The following NFKBIA variants were observed in gnomAD, a reference collection of about 807,000 sequenced individuals.
NFKBIA encodes the protein NFKB inhibitor alpha, also known as NF-kappa-B inhibitor alpha.
NFKBIA carries 10 observed loss-of-function variants against 36.3 expected under a neutral mutation model. That is an observed-to-expected ratio of 0.28 (90% CI 0.17 to 0.47). The LOEUF is 0.47. Among genes scored for constraint, NFKBIA ranks in the 20% least tolerant of loss-of-function variants. The probability of loss-of-function intolerance (pLI) is 0.99; values close to 1 mark genes in which losing one functional copy is unlikely to be tolerated. For synonymous variants in NFKBIA, 205 were observed against 164.4 expected (o/e 1.25, Z -1.89); for missense variants, 355 against 399.3 (o/e 0.89, Z 0.94).
In NFKBIA at chr14:35,402,971, C is replaced by T. The variant is rs563550773; in HGVS notation, c.548-112G>A. 17 of 1,281,124 alleles carry T rather than the reference C, an allele frequency of 1.3e-5. No individual in the cohort carries two copies. In the East Asian group the frequency reaches 4.2e-4, roughly 32 times the overall value. The allele number at this position is 1,281,124 out of a possible 1,614,324, so 79.4% of individuals were successfully genotyped here. Reference sequence around the variant, plus strand: ...CTTCTGAATTTTAAGAACCCACAGTCTGGGTTCTGAAAGAACTTTATAAAG... The same window carrying T: ...CTTCTGAATTTTAAGAACCCACAGTTTGGGTTCTGAAAGAACTTTATAAAG... On this transcript the variant is annotated intron_variant, in intron 3 of 5. Transcript: ENST00000216797.
chr14:35,404,351 T>TAC, intron 1 of NFKBIA, 67 bp downstream of exon 1: 50 of 1,049,790 alleles, frequency 4.8e-5, no homozygotes, highest in East Asian at 1.2e-4. Flanking sequence ...GCCCGGCGCC[T>TAC]CCCACCCCCA....
At position 35,404,453 on chromosome 14, in the gene NFKBIA, C is replaced by T. The variant is rs552899761; in HGVS notation, c.192G>A (p.Glu64=). The T allele has an allele frequency of 5.1e-6, 8 of 1,575,020 alleles. No individual in the cohort carries two copies. The highest frequency in any genetic ancestry group is 6.9e-6 in the Non-Finnish European group (8 of 1,158,790). ...CCTCGGTGAGCTGCTGCTTCCAGGG[C>T]TCCGAGCCGCGCGGCACCTCCTGCG... ...LEPQEVPRGS[E]PWKQQLTEDG... is the part of the protein sequence containing the mutation. Residue 64 remains glutamate, a synonymous_variant, in exon 1 of 6, where the codon GAG becomes GAA. Transcript: ENST00000216797.
intron 5 of NFKBIA, 103 bp from the exon 6 acceptor site, chr14:35,402,163 T>TCTCC: frequency 7.2e-7 from 1 of 1,384,388 alleles, no homozygotes; most frequent in Non-Finnish European, 1.0e-6. Context: ...TGGACTCCAT[T>TCTCC]CTCCATAGCC....
At position 35,402,795 on chromosome 14, in the gene NFKBIA, G is replaced by T; in HGVS notation, c.612C>A (p.Ser204=). Residue 204 remains serine, a synonymous_variant, in exon 4 of 6, where the codon TCC becomes TCA. Transcript: ENST00000216797. ...CCTGAGCATTGACATCAGCACCCAA[G>T]GACACCAAAAGCTCCACGATGCCCA... ...GYLGIVELLV[S]LGADVNAQEP... The T allele has an allele frequency of 6.2e-7, 1 of 1,614,194 alleles. No homozygotes were observed. Among genetic ancestry groups the T allele is most frequent in the African/African-American group, 1.3e-5 (1 of 75,050 alleles).
Position 35,404,709 on chromosome 14 carries a change from G to A in NFKBIA, c.-65C>T, listed in dbSNP as rs543302234. On this transcript the variant is annotated 5_prime_UTR_variant, in exon 1 of 6. Transcript: ENST00000216797. The stretch of plus-strand genomic sequence containing the variant: ...GCCGCGGGCTGCGCGCTGCTTCCTC[G>A]CTGGGGCGCTGGCGGGCGGGACGGC... The A allele has an allele frequency of 6.0e-6, 7 of 1,168,422 alleles. No homozygotes were observed. In the African/African-American group the frequency reaches 8.1e-5, roughly 14 times the overall value. The allele number at this position is 1,168,422 out of a possible 1,614,324, so 72.4% of individuals were successfully genotyped here.
chr14:35,403,685 C>T lies in NFKBIA; in HGVS notation c.336+5G>A, dbSNP rs1206257180. ...GAGAGAACCCGGGCCAGGCAAGCGG[C>T]GCACCTGCTGCAGGTTGTTCTGGAA... On this transcript the variant is annotated splice_donor_5th_base_variant and intron_variant, in intron 2 of 5. Transcript: ENST00000216797. 1 of 1,606,132 alleles carries T rather than the reference C, an allele frequency of 6.2e-7. No individual in the cohort carries two copies. The highest frequency in any genetic ancestry group is 1.3e-5 in the African/African-American group (1 of 74,938).
chr14:35,402,900 A>AC (rs1226918076), intron 3 of NFKBIA, 41 bp from the exon 4 acceptor site: 1 of 1,560,596 alleles, frequency 6.4e-7, no homozygotes, highest in South Asian at 1.1e-5. Flanking sequence ...ACCTGTTTCA[A>AC]CCCTCACTCC....
chr14:35,402,164 C>T, intron 5 of NFKBIA, 104 bp from the exon 6 acceptor site: 1 of 1,374,648 alleles, frequency 7.3e-7, no homozygotes, highest in Non-Finnish European at 1.0e-6. Flanking sequence ...GGACTCCATT[C>T]TCCATAGCCC....
chr14:35,402,794 A>G lies in NFKBIA; in HGVS notation c.613T>C (p.Leu205=), dbSNP rs779353997. The G allele has an allele frequency of 1.2e-6, 2 of 1,614,232 alleles. No individual in the cohort carries two copies. Among genetic ancestry groups the G allele is most frequent in the South Asian group, 2.2e-5 (2 of 91,088 alleles). The part of the protein sequence containing the change: ...YLGIVELLVS[L]GADVNAQEPC... ...ACCTGAGCATTGACATCAGCACCCA[A>G]GGACACCAAAAGCTCCACGATGCCC... is the stretch of plus-strand genomic sequence containing the variant. The change falls in exon 4 of 6, where the codon TTG becomes CTG. Residue 205 remains leucine (L), a synonymous_variant. Transcript: ENST00000216797.
chr14:35,404,236 C>T lies in NFKBIA; in HGVS notation c.227+182G>A, dbSNP rs929600476. On this transcript the variant is annotated intron_variant, in intron 1 of 5. Coordinates refer to ENST00000216797, the MANE Select transcript of NFKBIA (RefSeq NM_020529.3). Reference sequence around the variant, plus strand: ...GCCGCCCCTCCGAGTTGGGCCGGTGCCCCGCGCGGCCCTGCAGCCCTGCAG... The same window carrying T: ...GCCGCCCCTCCGAGTTGGGCCGGTGTCCCGCGCGGCCCTGCAGCCCTGCAG... The T allele has an allele frequency of 9.4e-5, 33 of 350,414 alleles. No homozygotes were observed. The East Asian group carries it at 2.0e-3, about 21-fold the overall frequency. The allele number at this position is 350,414 out of a possible 1,614,324, so 21.7% of individuals were successfully genotyped here.
At chr14:35,404,177 G>A (rs992382334) in intron 1 of NFKBIA, 2 of 325,692 alleles carry the variant, frequency 6.1e-6, no homozygotes, top group Non-Finnish European at 1.1e-5. Flanking sequence ...GGGAGGGGGC[G>A]TGTGGCGACG....
At position 35,401,878 on chromosome 14, in the gene NFKBIA, G is replaced by A. The variant is rs545040308; in HGVS notation, c.*135C>T. 96 of 966,424 alleles carry A rather than the reference G, an allele frequency of 9.9e-5. 1 individual carries two copies. Among genetic ancestry groups the A allele is most frequent in the African/African-American group, 9.6e-4 (57 of 59,668 alleles). 59.9% of individuals were successfully genotyped at this position (966,424 alleles called of 1,614,324 possible). ...AGGGCTGATCCTACCACAATAAGACGTTTTGGGCCAGGCAGTGTGCAGTGT... is the reference window on the plus strand; with the variant it reads ...AGGGCTGATCCTACCACAATAAGACATTTTGGGCCAGGCAGTGTGCAGTGT... On this transcript the variant is annotated 3_prime_UTR_variant, in exon 6 of 6. Transcript: ENST00000216797.
rs1034378721 is a variant in NFKBIA at position 35,402,176 on chromosome 14, A to T, written c.907-116T>A. 1.1e-5 allele frequency: 15 copies of T among 1,310,682 alleles called. No homozygotes were observed. In the African/African-American group the frequency reaches 1.2e-4, roughly 10 times the overall value. The allele number at this position is 1,310,682 out of a possible 1,614,324, so 81.2% of individuals were successfully genotyped here. On this transcript the variant is annotated intron_variant, in intron 5 of 5. Transcript: ENST00000216797. ...CTTGGACTCCATTCTCCATAGCCCA[A>T]ATATAATGAACTTTACAGGCTGAGA...
In NFKBIA at chr14:35,402,020, G is replaced by A. The variant is rs775963900; in HGVS notation, c.947C>T (p.Thr316Met). 1.5e-5 allele frequency: 24 copies of A among 1,613,514 alleles called. No individual in the cohort carries two copies. Among genetic ancestry groups the A allele is most frequent in the African/African-American group, 4.0e-5 (3 of 74,688 alleles). ...DDCVFGGQRL[T>M]L Reference sequence around the variant, plus strand: ...CTTTCAGCCCCTTTGCGCTCATAACGTCAGACGCTGGCCTCCAAACACACA... The same window carrying A: ...CTTTCAGCCCCTTTGCGCTCATAACATCAGACGCTGGCCTCCAAACACACA... Residue 316 changes from threonine (T) to methionine (M), a missense_variant, in exon 6 of 6, where the codon ACG becomes ATG. By Grantham distance (81) the Thr-to-Met change is moderately conservative (BLOSUM62 -1). Coordinates refer to ENST00000216797, the MANE Select transcript of NFKBIA (RefSeq NM_020529.3).
intron 2 of NFKBIA, 24 bp downstream of exon 2, chr14:35,403,666 A>C: frequency 8.3e-5 from 125 of 1,497,076 alleles, no homozygotes; most frequent in Non-Finnish European, 1.1e-4. Context: ...GTCAGAGAGA[A>C]CCCGGGCCAG....
chr14:35,403,984 C>G (rs916469990), intron 1 of NFKBIA, 186 bp from the exon 2 acceptor site: 27 of 615,228 alleles, frequency 4.4e-5, no homozygotes, highest in Middle Eastern at 8.7e-4. Flanking sequence ...CCCCCCTCCC[C>G]CCGCGGCCCC....
Position 35,402,858 on chromosome 14 carries a change from G to T in NFKBIA, c.549C>A (p.Gly183=). 6.2e-7 allele frequency: 1 copy of T among 1,614,006 alleles called. No homozygotes were observed. The highest frequency in any genetic ancestry group is 8.5e-7 in the Non-Finnish European group (1 of 1,179,948). The change falls in exon 4 of 6, where the codon GGC becomes GGA. Residue 183 remains glycine (G), a splice_region_variant and synonymous_variant. Coordinates refer to ENST00000216797, the MANE Select transcript of NFKBIA (RefSeq NM_020529.3). The part of the protein sequence containing the change: ...HSILKATNYN[G]HTCLHLASIH... ...TAGAGGCTAAGTGTAGACACGTGTG[G>T]CCTGGAAGAACAAAAGGAAAAAAGT...
chr14:35,404,350 C>CAA, intron 1 of NFKBIA, 68 bp downstream of exon 1: 1 of 1,188,282 alleles, frequency 8.4e-7, no homozygotes. Context: ...GGCCCGGCGC[C>CAA]TCCCACCCCC....
rs1019323420 is a variant in NFKBIA at position 35,402,378 on chromosome 14, G to A, written c.906+16C>T. 1 of 1,614,096 alleles carries A rather than the reference G, an allele frequency of 6.2e-7. No individual in the cohort carries two copies. Among genetic ancestry groups the A allele is most frequent in the Admixed American group, 1.7e-5 (1 of 60,022 alleles). ...CACCTCATTAGTTAGAGCGCCGAAG[G>A]AGTTCACAGACTCACCTCGTCCTCT... is the stretch of plus-strand genomic sequence containing the variant. On this transcript the variant is annotated intron_variant, in intron 5 of 5. Coordinates refer to ENST00000216797, the MANE Select transcript of NFKBIA (RefSeq NM_020529.3).
Sources: gnomAD v4.1 joint callset for allele counts on GRCh38, gnomAD v4.1.1 for gene constraint, MANE v1.5 for transcripts, NCBI Gene and HGNC (gene_info 2026-07-23, HGNC 2026-07-21) for gene names.